The following NAV3 variants were observed in gnomAD, a reference collection of about 807,000 sequenced individuals.
NAV3 encodes the protein neuron navigator 3.
In NAV3, 87 loss-of-function variants were observed where a neutral mutation model predicts 244.7. The ratio of observed to expected loss-of-function variants is 0.36; its 90% CI spans 0.30 to 0.42. The LOEUF (loss-of-function observed/expected upper bound fraction) is 0.42. NAV3 is among the 20% of genes least tolerant of loss of function. NAV3 has a pLI of 1.00. For missense variants in NAV3, 2,663 were observed against 2,893.3 expected, an observed-to-expected ratio of 0.92 and a Z score of 1.83; for synonymous variants, 1,126 against 1,042.2, an observed-to-expected ratio of 1.08 and a Z score of -1.55.
At chr12:77,961,757 A>G (rs1051502965) in intron 3 of NAV3, among the ~76,000 whole-genome samples, 3 of 149,260 alleles carry the variant, frequency 2.0e-5, no homozygotes, top group South Asian at 2.1e-4. Flanking sequence ...CTGGGGAGAG[A>G]GTGTAGACAA....
At chr12:78,028,133 A>G (rs1415305856) in intron 9 of NAV3, among the ~76,000 whole-genome samples, 2 of 152,156 alleles carry the variant, frequency 1.3e-5, no homozygotes, top group Non-Finnish European at 2.9e-5. Context: ...AGTGATGAAC[A>G]GAATTAATGA....
chr12:77,659,772 A>C (rs1873338789), intron 2 of NAV3, among the ~76,000 whole-genome samples: 1 of 152,168 alleles, frequency 6.6e-6, no homozygotes, highest in African/African-American at 2.4e-5. Context: ...ATGGAATACT[A>C]TGCAGCCATA....
chr12:77,578,430 T>C (rs1869197992), intron 2 of NAV3, among the ~76,000 whole-genome samples: 1 of 152,184 alleles, frequency 6.6e-6, no homozygotes, highest in Admixed American at 6.5e-5. Flanking sequence ...TCTTCTGGTT[T>C]CTGTCTCCCT....
At chr12:77,972,838 A>G (rs1371179842) in intron 5 of NAV3, among the ~76,000 whole-genome samples, 1 of 152,094 alleles carries the variant, frequency 6.6e-6, no homozygotes, top group Non-Finnish European at 1.5e-5. Context: ...ACTTTTTCAT[A>G]TGTTGCATTT....
At chr12:78,072,695 C>T (rs1252880706) in intron 12 of NAV3, among the ~76,000 whole-genome samples, 1 of 138,100 alleles carries the variant, frequency 7.2e-6, no homozygotes, top group Non-Finnish European at 1.6e-5. Flanking sequence ...ATGAGGCCAG[C>T]ATCATTCTGA....
intron 23 of NAV3, among the ~76,000 whole-genome samples, chr12:78,163,310 C>T (rs747067688): frequency 3.9e-5 from 6 of 152,040 alleles, no homozygotes; most frequent in African/African-American, 7.2e-5. Flanking sequence ...CCAAATAACA[C>T]GGAATCTCTT....
chr12:77,877,089 A>C (rs900389632), intron 1 of NAV3, among the ~76,000 whole-genome samples: 1 of 152,136 alleles, frequency 6.6e-6, no homozygotes, highest in African/African-American at 2.4e-5. Flanking sequence ...GTAATATTTT[A>C]AAGTTACTTA....
At chr12:77,604,601 T>G (rs1274053348) in intron 2 of NAV3, among the ~76,000 whole-genome samples, 1 of 152,004 alleles carries the variant, frequency 6.6e-6, no homozygotes, top group African/African-American at 2.4e-5. Flanking sequence ...GAAAAAATAT[T>G]TCTTTAGAAT....
At chr12:78,117,345 TAAAAATATATAACATATAATAGATATATA>T (rs1955459423) in intron 13 of NAV3, among the ~76,000 whole-genome samples, 1 of 143,928 alleles carries the variant, frequency 6.9e-6, no homozygotes, top group South Asian at 2.1e-4. Flanking sequence ...ATTAAATATA[TAAAAATATATAACATATAATAGATATATA>T]TTTTATATAT....
chr12:77,952,068 T>TAAAA (rs35164374), intron 3 of NAV3, among the ~76,000 whole-genome samples: 1 of 140,042 alleles, frequency 7.1e-6, no homozygotes, highest in Non-Finnish European at 1.5e-5. Flanking sequence ...AAAGTATAAT[T>TAAAA]AAAAAAAAAA....
At chr12:78,170,683 G>C (rs896084186) in intron 24 of NAV3, among the ~76,000 whole-genome samples, 2 of 151,652 alleles carry the variant, frequency 1.3e-5, no homozygotes, top group African/African-American at 4.8e-5. Context: ...TTGTTGCATT[G>C]CATATTCCAT....
intron 2 of NAV3, among the ~76,000 whole-genome samples, chr12:77,732,887 C>T (rs1877183697): frequency 6.6e-6 from 1 of 151,956 alleles, no homozygotes; most frequent in Non-Finnish European, 1.5e-5. Flanking sequence ...AAGGCTGGAG[C>T]ATAGATGTAT....
intron 24 of NAV3, 27 bp from the exon 25 acceptor site, chr12:78,175,279 G>A (rs2442134): frequency 0.98 from 1,583,065 of 1,607,582 alleles, 779,844 homozygotes; most frequent in East Asian, 1. Flanking sequence ...TTCATGAGCC[G>A]ATGTGATACT....
chr12:77,580,144 A>G (rs1869284512), intron 2 of NAV3, among the ~76,000 whole-genome samples: 1 of 151,926 alleles, frequency 6.6e-6, no homozygotes, highest in East Asian at 1.9e-4. Flanking sequence ...AACTGCATAT[A>G]ACAAATGATT....
At chr12:77,904,501 G>T (rs1885727382) in intron 1 of NAV3, among the ~76,000 whole-genome samples, 1 of 152,140 alleles carries the variant, frequency 6.6e-6, no homozygotes, top group South Asian at 2.1e-4. Context: ...TCATGGGGTT[G>T]GTGGAGGGGG....
intron 18 of NAV3, among the ~76,000 whole-genome samples, chr12:78,131,755 C>A (rs1010328512): frequency 2.0e-5 from 3 of 151,982 alleles, no homozygotes; most frequent in Non-Finnish European, 4.4e-5. Context: ...ATACATAATA[C>A]CTAGGTTATA....
At chr12:77,808,697 A>T (rs188397629) in intron 2 of NAV3, among the ~76,000 whole-genome samples, 2 of 152,328 alleles carry the variant, frequency 1.3e-5, no homozygotes, top group Non-Finnish European at 2.9e-5. Flanking sequence ...GCAGAGCTCC[A>T]GCACTCTGCT....
At chr12:77,618,490 A>G (rs140908800) in intron 2 of NAV3, among the ~76,000 whole-genome samples, 1,634 of 152,260 alleles carry the variant, frequency 0.011, 26 homozygotes, top group African/African-American at 0.038. Flanking sequence ...AAAAATAATT[A>G]TATTAGTTGA....
At chr12:77,867,581 G>A (rs980146723) in intron 1 of NAV3, among the ~76,000 whole-genome samples, 16 of 151,872 alleles carry the variant, frequency 1.1e-4, no homozygotes, top group Non-Finnish European at 2.2e-4. Context: ...CACCACGCCC[G>A]GCTAATTTTT....
Sources: gnomAD v4.1 joint callset for allele counts (sites outside exome capture counted in the v4.1 genomes callset) on GRCh38, gnomAD v4.1.1 for gene constraint, MANE v1.5 for transcripts, NCBI Gene and HGNC (gene_info 2026-07-23, HGNC 2026-07-21) for gene names.